The following UGP2 variants were observed in gnomAD, a reference collection of about 807,000 sequenced individuals.
UGP2 encodes the protein UTP--glucose-1-phosphate uridylyltransferase.
In UGP2, 40 loss-of-function variants were observed where a neutral mutation model predicts 49.0. The ratio of observed to expected loss-of-function variants is 0.82; its 90% CI spans 0.63 to 1.06. The LOEUF (loss-of-function observed/expected upper bound fraction) is 1.06, where lower values mean the gene tolerates loss of function less well. UGP2 is among the 50% of genes least tolerant of loss of function. The pLI is 0.00. For synonymous variants in UGP2, 225 were observed against 213.0 expected (o/e 1.06, Z -0.49); for missense variants, 460 against 603.5 (o/e 0.76, Z 2.49).
At chr2:63,863,756 A>G (rs1670002244) in intron 3 of UGP2, among the ~76,000 whole-genome samples, 1 of 152,206 alleles carries the variant, frequency 6.6e-6, no homozygotes, top group African/African-American at 2.4e-5. Context: ...GGACAAGGTA[A>G]TAACTAAGAG....
chr2:63,850,848 C>T (rs1050191999), intron 1 of UGP2, among the ~76,000 whole-genome samples: 3 of 152,164 alleles, frequency 2.0e-5, no homozygotes, highest in African/African-American at 7.2e-5. Context: ...CTAGACTAGA[C>T]TTTGCCTTCT....
At chr2:63,862,351 T>C (rs184420911) in intron 3 of UGP2, among the ~76,000 whole-genome samples, 1 of 152,214 alleles carries the variant, frequency 6.6e-6, no homozygotes, top group African/African-American at 2.4e-5. Context: ...TAAGCAGACA[T>C]ACTAATTTAG....
intron 3 of UGP2, among the ~76,000 whole-genome samples, chr2:63,871,999 A>G (rs1670588314): frequency 6.6e-6 from 1 of 152,256 alleles, no homozygotes; most frequent in East Asian, 1.9e-4. Context: ...CAATTCAGCC[A>G]TGGTAGCATG....
At chr2:63,882,806 C>T (rs1418229229) in intron 4 of UGP2, 155 bp downstream of exon 4, 1 of 745,310 alleles carries the variant, frequency 1.3e-6, no homozygotes, top group Non-Finnish European at 1.9e-6. Flanking sequence ...GTTTAGTGTT[C>T]TTAAGGGCAA....
At chr2:63,885,510 C>G in intron 5 of UGP2, 79 bp from the exon 6 acceptor site, 1 of 1,132,632 alleles carries the variant, frequency 8.8e-7, no homozygotes, top group South Asian at 2.3e-5. Context: ...TTTTATTTAA[C>G]TTTAATGTAT....
chr2:63,849,473 A>C (rs1668900477), intron 1 of UGP2, among the ~76,000 whole-genome samples: 2 of 152,240 alleles, frequency 1.3e-5, no homozygotes, highest in Admixed American at 1.3e-4. Flanking sequence ...TGCTAATGGT[A>C]AAATGCTTTG....
At chr2:63,890,883 GCT>G (rs767147595) in intron 9 of UGP2, among the ~76,000 whole-genome samples, 2 of 152,146 alleles carry the variant, frequency 1.3e-5, no homozygotes, top group Non-Finnish European at 2.9e-5. Flanking sequence ...TCCACTTCCC[GCT>G]CTTAGTTCTA....
chr2:63,859,489 A>G (rs769695440), intron 3 of UGP2, among the ~76,000 whole-genome samples: 4 of 152,144 alleles, frequency 2.6e-5, no homozygotes, highest in Non-Finnish European at 5.9e-5. Flanking sequence ...ATCATGATAT[A>G]TAGTAGGGAT....
At chr2:63,866,976 T>C (rs1670226593) in intron 3 of UGP2, among the ~76,000 whole-genome samples, 1 of 152,192 alleles carries the variant, frequency 6.6e-6, no homozygotes, top group South Asian at 2.1e-4. Context: ...ACTTTGACAT[T>C]TACCTGTTTT....
chr2:63,849,762 A>G (rs528955854), intron 1 of UGP2, among the ~76,000 whole-genome samples: 2 of 152,334 alleles, frequency 1.3e-5, no homozygotes, highest in East Asian at 3.9e-4. Flanking sequence ...GGCGCCAGGC[A>G]ACAGGGTTTG....
chr2:63,854,192 G>C (rs927360903), intron 1 of UGP2, among the ~76,000 whole-genome samples: 1 of 152,118 alleles, frequency 6.6e-6, no homozygotes, highest in Non-Finnish European at 1.5e-5. Flanking sequence ...TTTTCAACCT[G>C]TTTCCTCGTC....
At chr2:63,857,471 C>T (rs1669522068) in intron 2 of UGP2, 1 of 375,780 alleles carries the variant, frequency 2.7e-6, no homozygotes, top group African/African-American at 2.1e-5. Context: ...TCAAGTGATC[C>T]TCCCACCTCA....
chr2:63,889,914 G>T (rs1278544052), intron 8 of UGP2, 167 bp from the exon 9 acceptor site: 2 of 560,696 alleles, frequency 3.6e-6, no homozygotes, highest in Non-Finnish European at 6.3e-6. Context: ...TTTCCTGCAC[G>T]GCATTTAGCA....
chr2:63,841,787 C>T, upstream of UGP2: 1 of 163,954 alleles, frequency 6.1e-6, no homozygotes, highest in South Asian at 1.9e-4. Flanking sequence ...GCCAGTGCCT[C>T]CTGCAGTACA....
Position 63,857,537 on chromosome 2 carries a change from A to AT in UGP2, c.148-284dup, listed in dbSNP as rs746707188. Reference sequence around the variant, plus strand: ...ACCACCACATCTGGCTAATTTTTGTATTTTTTTTGTAGACACCGGGTTTTG... The same window carrying AT: ...ACCACCACATCTGGCTAATTTTTGTATTTTTTTTTGTAGACACCGGGTTTTG... On this transcript the variant is annotated intron_variant, in intron 2 of 9. Coordinates refer to ENST00000337130, the MANE Select transcript of UGP2 (RefSeq NM_006759.4). 2.7e-4 allele frequency: 126 copies of AT among 458,746 alleles called. 1 individual carries two copies. The highest frequency in any genetic ancestry group is 2.6e-4 in the East Asian group (4 of 15,290). 28.4% of individuals were successfully genotyped at this position (458,746 alleles called of 1,614,324 possible).
chr2:63,880,264 C>T (rs1671212778), intron 3 of UGP2, among the ~76,000 whole-genome samples: 1 of 151,062 alleles, frequency 6.6e-6, no homozygotes, highest in Admixed American at 6.6e-5. Context: ...GCCTTGACCA[C>T]CTGGGCTCAG....
chr2:63,854,072 T>C (rs893691054), intron 1 of UGP2, among the ~76,000 whole-genome samples: 1 of 152,170 alleles, frequency 6.6e-6, no homozygotes, highest in East Asian at 1.9e-4. Context: ...AAAAAAACAT[T>C]AGCAAGGTAT....
At chr2:63,870,006 T>G (rs1005988904) in intron 3 of UGP2, among the ~76,000 whole-genome samples, 3 of 149,872 alleles carry the variant, frequency 2.0e-5, no homozygotes, top group African/African-American at 7.4e-5. Context: ...CACTGCAAGC[T>G]CCACCTCCTA....
At chr2:63,848,748 C>G (rs942759775) in intron 1 of UGP2, among the ~76,000 whole-genome samples, 3 of 152,200 alleles carry the variant, frequency 2.0e-5, no homozygotes, top group African/African-American at 7.2e-5. Context: ...ATGAAGCTAT[C>G]AAAGAAAATT....
Sources: gnomAD v4.1 joint callset for allele counts (sites outside exome capture counted in the v4.1 genomes callset) on GRCh38, gnomAD v4.1.1 for gene constraint, MANE v1.5 for transcripts, NCBI Gene and HGNC (gene_info 2026-07-23, HGNC 2026-07-21) for gene names.